Variants in ARHGEF18 observed in about 807,000 individuals in gnomAD.
ARHGEF18 encodes the protein rho guanine nucleotide exchange factor 18.
Under a neutral mutation model 155.7 loss-of-function variants are expected in ARHGEF18, and 93 were observed. The ratio of observed to expected loss-of-function variants is 0.60; its 90% confidence interval spans 0.50 to 0.71. ARHGEF18 has a LOEUF of 0.71. ARHGEF18 is among the 30% of genes least tolerant of loss of function. The probability of loss-of-function intolerance (pLI) is 0.00; values close to 1 mark genes in which losing one functional copy is unlikely to be tolerated. For missense variants in ARHGEF18, 1,593 were observed against 1,816.1 expected (o/e 0.88, Z 2.23); for synonymous variants, 742 against 753.1 (o/e 0.99, Z 0.24).
chr19:7,415,187 C>T (rs1000328158), intron 10 of ARHGEF18, among the ~76,000 whole-genome samples: 2 of 152,106 alleles, frequency 1.3e-5, no homozygotes, highest in Admixed American at 6.6e-5. Context: ...CTCCAGGCAG[C>T]TCCATTAAAC....
Position 7,397,501 on chromosome 19 carries a change from G to T in ARHGEF18, c.967+14298G>T, listed in dbSNP as rs57372960. On this transcript the variant is annotated intron_variant, in intron 10 of 28. Coordinates refer to ENST00000668164, the MANE Select transcript of ARHGEF18 (RefSeq NM_001367823.1). ...AATCCCAGCACTTTGGGAGGCCCGG[G>T]GGGGGGCAGATCACGAGGTCAGGAG... is the stretch of plus-strand genomic sequence containing the variant. 1.8e-3 allele frequency among the ~76,000 whole-genome samples: 269 copies of T among 149,492 alleles called. 5 individuals carry two copies. In the East Asian group the frequency reaches 0.042, roughly 23 times the overall value.
In ARHGEF18 at chr19:7,383,259, C is replaced by T. The variant is rs554946752; in HGVS notation, c.967+56C>T. The T allele has an allele frequency of 6.3e-5, 78 of 1,231,472 alleles. No individual in the cohort carries two copies. The African/African-American group carries it at 7.1e-4, about 11-fold the overall frequency. The allele number at this position is 1,231,472 out of a possible 1,614,324, so 76.3% of individuals were successfully genotyped here. A position where few individuals can be genotyped will look rare whatever the true frequency, so the allele number is the denominator to read the frequency against. ...GAGGGCAGCCACTTTCTCTTCTTCA[C>T]GTCCTTTCAATCATACTCCTGGGGT... On this transcript the variant is annotated intron_variant, in intron 10 of 28. Coordinates refer to ENST00000668164, the MANE Select transcript of ARHGEF18 (RefSeq NM_001367823.1).
chr19:7,426,868 C>T (rs1973698193), intron 10 of ARHGEF18, among the ~76,000 whole-genome samples: 1 of 152,182 alleles, frequency 6.6e-6, no homozygotes, highest in South Asian at 2.1e-4. Flanking sequence ...CAGTTTCTCA[C>T]TGTGGACTCT....
chr19:7,367,632 G>C lies in ARHGEF18; in HGVS notation c.15+4727G>C, dbSNP rs936533933. On this transcript the variant is annotated intron_variant, in intron 2 of 28. Transcript: ENST00000668164. ...GTGGTGGTGGACACCTGTAATCCCA[G>C]CTACTCGGGAGACTGAGGCAGGAGA... Among the ~76,000 whole-genome samples the C allele has an allele frequency of 1.3e-4, 19 of 150,098 alleles. 1 individual carries two copies. The highest frequency in any genetic ancestry group is 7.4e-4 in the Admixed American group (11 of 14,816).
rs2303142 is a variant in ARHGEF18, at chr19:7,467,366, G to A, written c.3162G>A (p.Ala1054=). The change falls in exon 26 of 29, where the codon GCG becomes GCA. Residue 1054 remains alanine, a synonymous_variant. Coordinates refer to ENST00000668164, the MANE Select transcript of ARHGEF18 (RefSeq NM_001367823.1). Reference sequence around the variant, plus strand: ...TCGAGAAGCAGCGGGAGGAGCGCGCGGCCCTGGAGAAGCTGCAGAGCCAGC... The same window carrying A: ...TCGAGAAGCAGCGGGAGGAGCGCGCAGCCCTGGAGAAGCTGCAGAGCCAGC... ...RNFEKQREER[A]ALEKLQSQLR... The A allele has an allele frequency of 1.3e-6, 2 of 1,534,964 alleles. No homozygotes were observed. The highest frequency in any genetic ancestry group is 1.7e-6 in the Non-Finnish European group (2 of 1,146,362).
Position 7,372,930 on chromosome 19 carries a change from A to G in ARHGEF18, c.134A>G (p.Gln45Arg), listed in dbSNP as rs1970269324. The change falls in exon 3 of 29, where the codon CAG becomes CGG. Residue 45 changes from glutamine (Q) to arginine (R), a missense_variant. Physicochemically the swap from Gln to Arg is conservative, Grantham distance 43. Transcript: ENST00000668164. Reference sequence around the variant, plus strand: ...GGCCTTGGGGCCCCTTCCCACAGCCAGCCTGGGGAGACCCCAGACAGCCGC... The same window carrying G: ...GGCCTTGGGGCCCCTTCCCACAGCCGGCCTGGGGAGACCCCAGACAGCCGC... ...DLGLGAPSHS[Q>R]PGETPDSRPT... 3 of 1,234,560 alleles carry G rather than the reference A, an allele frequency of 2.4e-6. No individual in the cohort carries two copies. The South Asian group carries it at 1.2e-4, about 51-fold the overall frequency. The allele number at this position is 1,234,560 out of a possible 1,614,324, so 76.5% of individuals were successfully genotyped here.
chr19:7,462,128 G>A lies in ARHGEF18; in HGVS notation c.2453-24G>A, dbSNP rs1325148038. 1 of 1,613,454 alleles carries A rather than the reference G, an allele frequency of 6.2e-7. No homozygotes were observed. Among genetic ancestry groups the A allele is most frequent in the Non-Finnish European group, 8.5e-7 (1 of 1,179,930 alleles). On this transcript the variant is annotated intron_variant, in intron 20 of 28. Coordinates refer to ENST00000668164, the MANE Select transcript of ARHGEF18 (RefSeq NM_001367823.1). This position sits in a 1 kb window ranked among gnomAD's most constrained non-coding sequence, Gnocchi z 4.4. ...CCAGGGAAGGCCGACCCGGCTGACT[G>A]CCACCTCCACCATCACTCTGCAGAG... is the stretch of plus-strand genomic sequence containing the variant.
intron 10 of ARHGEF18, among the ~76,000 whole-genome samples, chr19:7,402,525 G>C (rs1366679906): frequency 6.6e-6 from 1 of 152,198 alleles, no homozygotes. Context: ...GGTGAGTTGT[G>C]TGGTATGATA....
At chr19:7,410,335 G>A (rs1972600263) in intron 10 of ARHGEF18, among the ~76,000 whole-genome samples, 1 of 151,894 alleles carries the variant, frequency 6.6e-6, no homozygotes, top group Non-Finnish European at 1.5e-5. Context: ...CACCTCTGCT[G>A]ACATTTATTT....
At chr19:7,426,611 C>T (rs571400456) in intron 10 of ARHGEF18, among the ~76,000 whole-genome samples, 9 of 152,256 alleles carry the variant, frequency 5.9e-5, no homozygotes, top group Non-Finnish European at 1.3e-4. Flanking sequence ...GCCTGCCTTT[C>T]CCACCTCCAC....
intron 10 of ARHGEF18, among the ~76,000 whole-genome samples, chr19:7,426,640 C>CA (rs1297478775): frequency 2.0e-5 from 3 of 152,132 alleles, no homozygotes; most frequent in African/African-American, 7.2e-5. Flanking sequence ...TCCCCTTATG[C>CA]AAAATCACGT....
At chr19:7,369,670 G>A (rs915421651) in intron 2 of ARHGEF18, among the ~76,000 whole-genome samples, 2 of 151,762 alleles carry the variant, frequency 1.3e-5, no homozygotes, top group Admixed American at 6.6e-5. Flanking sequence ...TGTGGCAGGC[G>A]CCTGTAATTC....
intron 17 of ARHGEF18, 86 bp from the exon 18 acceptor site, chr19:7,456,241 C>A: frequency 1.6e-6 from 2 of 1,225,838 alleles, no homozygotes; most frequent in Non-Finnish European, 2.4e-6. Flanking sequence ...TTACACCTTC[C>A]TGGGAAGTGG....
chr19:7,366,518 C>T (rs1600197368), intron 2 of ARHGEF18, among the ~76,000 whole-genome samples: 1 of 152,226 alleles, frequency 6.6e-6, no homozygotes, highest in East Asian at 1.9e-4. Context: ...CCTTCACTTG[C>T]TGCCATTTCC....
intron 2 of ARHGEF18, among the ~76,000 whole-genome samples, chr19:7,366,725 GA>G (rs1277723505): frequency 6.6e-6 from 1 of 152,152 alleles, no homozygotes; most frequent in Non-Finnish European, 1.5e-5. Flanking sequence ...TTGCTCAGAG[GA>G]AGGGTCCTGA....
At chr19:7,455,023 A>G (rs556973209) in intron 17 of ARHGEF18, among the ~76,000 whole-genome samples, 2 of 152,182 alleles carry the variant, frequency 1.3e-5, no homozygotes, top group South Asian at 2.1e-4. Flanking sequence ...CTCAGGATTC[A>G]TTCCTGGGTT....
intron 15 of ARHGEF18, among the ~76,000 whole-genome samples, chr19:7,447,583 G>C (rs1975077546): frequency 6.6e-6 from 1 of 152,070 alleles, no homozygotes; most frequent in Non-Finnish European, 1.5e-5. Context: ...AGAGTCTTGA[G>C]ACTTGGGAAT....
intron 10 of ARHGEF18, among the ~76,000 whole-genome samples, chr19:7,397,650 G>A (rs1355357081): frequency 5.3e-5 from 8 of 151,854 alleles, no homozygotes; most frequent in Non-Finnish European, 7.4e-5. Context: ...GGAGAATGGC[G>A]TGAACCCGGG....
intron 8 of ARHGEF18, among the ~76,000 whole-genome samples, chr19:7,381,405 C>T (rs1970728826): frequency 6.6e-6 from 1 of 152,080 alleles, no homozygotes; most frequent in Admixed American, 6.6e-5. Context: ...GGCTTGGGTG[C>T]GGTGGCTCAC....
Sources: gnomAD v4.1 joint callset for allele counts (sites outside exome capture counted in the v4.1 genomes callset) on GRCh38, gnomAD v4.1.1 for gene constraint, Gnocchi (gnomAD v3.1) non-coding constraint, MANE v1.5 for transcripts, NCBI Gene and HGNC (gene_info 2026-07-23, HGNC 2026-07-21) for gene names.